The following PCLO variants were observed in gnomAD, a reference collection of about 807,000 sequenced individuals.
The protein encoded by PCLO is protein piccolo.
PCLO carries 82 observed loss-of-function variants against 427.5 expected under a neutral mutation model. That is an observed-to-expected ratio of 0.19 (90% CI 0.16 to 0.23). The LOEUF is 0.23. PCLO is among the 10% of genes least tolerant of loss of function. PCLO has a pLI of 1.00. For missense variants in PCLO, 6,239 were observed against 6,115.9 expected, an observed-to-expected ratio of 1.02 and a Z score of -0.67; for synonymous variants, 2,357 against 2,155.4, an observed-to-expected ratio of 1.09 and a Z score of -2.59.
chr7:82,794,852 T>C (rs1791193252), intron 22 of PCLO, among the ~76,000 whole-genome samples: 1 of 152,164 alleles, frequency 6.6e-6, no homozygotes, highest in South Asian at 2.1e-4. Flanking sequence ...TTATTTAGTA[T>C]AGTGATCATT....
At chr7:83,093,964 G>A (rs1790461154) in intron 3 of PCLO, among the ~76,000 whole-genome samples, 3 of 151,218 alleles carry the variant, frequency 2.0e-5, no homozygotes, top group Non-Finnish European at 4.4e-5. Context: ...CAAAACCACA[G>A]TACAACCAGA....
rs2116420725 is a variant in PCLO at position 82,950,352 on chromosome 7, C to G, written c.10236G>C (p.Lys3412Asn). ...VVVKEEKQPK[K>N]RSSGAKVRGQ... ...CTCGGACTTTAGCTCCAGAACTTCT[C>G]TTTTTGGGTTGTTTTTCCTCTTTCA... Residue 3412 changes from lysine to asparagine, a missense_variant, in exon 6 of 25, where the codon AAG (lysine) becomes AAC (asparagine). Physicochemically the swap from Lys to Asn is moderately conservative, Grantham distance 94. Transcript: ENST00000333891. 1 of 1,613,654 alleles carries G rather than the reference C, an allele frequency of 6.2e-7. No homozygotes were observed. Among genetic ancestry groups the G allele is most frequent in the Non-Finnish European group, 8.5e-7 (1 of 1,179,824 alleles).
intron 6 of PCLO, among the ~76,000 whole-genome samples, chr7:82,931,677 G>A (rs903253739): frequency 7.2e-5 from 11 of 151,990 alleles, no homozygotes; most frequent in Non-Finnish European, 1.5e-4. Flanking sequence ...AGAATATGGG[G>A]GCTTGTTTAT....
intron 3 of PCLO, among the ~76,000 whole-genome samples, chr7:83,113,783 C>T (rs76471921): frequency 0.011 from 1,711 of 151,794 alleles, 22 homozygotes; most frequent in Non-Finnish European, 0.017. Context: ...ATATTAAGTG[C>T]TACAAACAAA....
intron 3 of PCLO, among the ~76,000 whole-genome samples, chr7:83,107,697 A>G (rs984826104): frequency 6.8e-6 from 1 of 148,076 alleles, no homozygotes; most frequent in Non-Finnish European, 1.5e-5. Flanking sequence ...ATATAGAGAG[A>G]ATATAAGAAG....
At position 82,879,150 on chromosome 7, in the gene PCLO, T is replaced by C. The variant is rs1014236245; in HGVS notation, c.13654+187A>G. Among the ~76,000 whole-genome samples, 3 of 152,130 alleles carry C rather than the reference T, an allele frequency of 2.0e-5. No homozygotes were observed. The South Asian group carries it at 6.2e-4, about 31-fold the overall frequency. ...GCCAACTGCCAAAAGGACAATGCAA[T>C]TGAAAATAAAATGAATATATTTGTG... On this transcript the variant is annotated intron_variant, in intron 10 of 24. Coordinates refer to ENST00000333891, the MANE Select transcript of PCLO (RefSeq NM_033026.6).
intron 3 of PCLO, among the ~76,000 whole-genome samples, chr7:83,033,442 A>G (rs866480713): frequency 2.0e-5 from 3 of 152,132 alleles, no homozygotes; most frequent in Non-Finnish European, 2.9e-5. Flanking sequence ...CATGTAACCT[A>G]TTCCTCAAGT....
intron 22 of PCLO, among the ~76,000 whole-genome samples, chr7:82,767,546 G>A (rs1317193725): frequency 6.6e-6 from 1 of 151,998 alleles, no homozygotes; most frequent in Non-Finnish European, 1.5e-5. Context: ...TAAGATTATT[G>A]ACATGGAGGA....
chr7:82,842,232 A>G (rs1452021545), intron 13 of PCLO, among the ~76,000 whole-genome samples: 1 of 152,076 alleles, frequency 6.6e-6, no homozygotes, highest in Non-Finnish European at 1.5e-5. Context: ...CCCCAAATAA[A>G]TACATTCATT....
At chr7:82,820,092 C>G (rs958830959) in intron 20 of PCLO, among the ~76,000 whole-genome samples, 1 of 152,042 alleles carries the variant, frequency 6.6e-6, no homozygotes, top group Non-Finnish European at 1.5e-5. Context: ...CCTTTCTGAA[C>G]AGAGCTATGA....
chr7:83,038,015 A>ATT lies in PCLO; in HGVS notation c.3301-71529_3301-71528insAA, dbSNP rs1172558831. 8.9e-3 allele frequency among the ~76,000 whole-genome samples: 425 copies of ATT among 47,888 alleles called. 74 individuals carry two copies. The highest frequency in any genetic ancestry group is 0.059 in the African/African-American group (403 of 6,830). The allele number at this position is 47,888 out of a possible 152,430, so 31.4% of individuals were successfully genotyped here. ...TATATATATATATATATATATATAT[A>ATT]TATATATATATATATTTATATATTT... On this transcript the variant is annotated intron_variant, in intron 3 of 24. Transcript: ENST00000333891.
chr7:82,987,428 A>G (rs1796281211), intron 3 of PCLO, among the ~76,000 whole-genome samples: 1 of 152,070 alleles, frequency 6.6e-6, no homozygotes, highest in Non-Finnish European at 1.5e-5. Flanking sequence ...CATGCAGAAA[A>G]AAATAAACAA....
chr7:83,141,258 C>T (rs1219570801), intron 2 of PCLO, among the ~76,000 whole-genome samples: 2 of 152,154 alleles, frequency 1.3e-5, no homozygotes, highest in African/African-American at 4.8e-5. Flanking sequence ...GTTCCATGTG[C>T]ACACATTAAA....
intron 3 of PCLO, among the ~76,000 whole-genome samples, chr7:83,070,287 C>A (rs565826997): frequency 6.6e-6 from 1 of 152,278 alleles, no homozygotes; most frequent in African/African-American, 2.4e-5. Flanking sequence ...AGCTTGACTG[C>A]AACCTCACGA....
At chr7:83,033,687 A>AT (rs1562930853) in intron 3 of PCLO, among the ~76,000 whole-genome samples, 1 of 152,064 alleles carries the variant, frequency 6.6e-6, no homozygotes, top group Non-Finnish European at 1.5e-5. Flanking sequence ...ATATATTGCA[A>AT]TCTTTCTTCC....
At chr7:82,892,145 C>G (rs895053107) in intron 9 of PCLO, among the ~76,000 whole-genome samples, 2 of 152,148 alleles carry the variant, frequency 1.3e-5, no homozygotes, top group East Asian at 1.9e-4. Flanking sequence ...AAGAACAAAG[C>G]TGGAGGCATC....
intron 9 of PCLO, among the ~76,000 whole-genome samples, chr7:82,895,827 A>T (rs1186277986): frequency 6.6e-6 from 1 of 151,982 alleles, no homozygotes; most frequent in African/African-American, 2.4e-5. Context: ...TGGATGTCTT[A>T]CTGAAAAAGA....
intron 22 of PCLO, among the ~76,000 whole-genome samples, chr7:82,799,751 T>C (rs1348387659): frequency 6.6e-6 from 1 of 152,110 alleles, no homozygotes; most frequent in East Asian, 1.9e-4. Context: ...ATTTCTGGCA[T>C]TGGCTGAATT....
chr7:82,944,137 T>TA (rs71096608), intron 6 of PCLO, among the ~76,000 whole-genome samples: 14,145 of 34,272 alleles, frequency 0.41, 4,647 homozygotes, highest in Non-Finnish European at 0.51. Flanking sequence ...CAAGAATCCA[T>TA]AAAAAAAAAA....
Sources: gnomAD v4.1 joint callset for allele counts (sites outside exome capture counted in the v4.1 genomes callset) on GRCh38, gnomAD v4.1.1 for gene constraint, MANE v1.5 for transcripts, NCBI Gene and HGNC (gene_info 2026-07-23, HGNC 2026-07-21) for gene names.